LINS1: variants seen among roughly 807,000 people sequenced by gnomAD.
LINS1 encodes protein Lines homolog 1.
In LINS1, 27 loss-of-function variants were observed where a neutral mutation model predicts 41.6. The observed-to-expected ratio is 0.65, with a 90% CI of 0.48 to 0.89. LINS1 has a LOEUF of 0.89. Among genes scored for constraint, LINS1 ranks in the 40% least tolerant of loss-of-function variants. The pLI, the probability that LINS1 is intolerant of heterozygous loss-of-function variation, is 0.00. For synonymous variants in LINS1, 336 were observed against 312.9 expected (o/e 1.07, Z -0.78); for missense variants, 955 against 884.1 (o/e 1.08, Z -1.02).
At chr15:100,575,315 A>C (rs1447587257) in intron 3 of LINS1, among the ~76,000 whole-genome samples, 187 bp from the exon 4 acceptor site, 22 of 152,210 alleles carry the variant, frequency 1.4e-4, no homozygotes, top group Admixed American at 1.4e-3. Flanking sequence ...AATAAAATAA[A>C]GGGATGGAGG....
intron 3 of LINS1, among the ~76,000 whole-genome samples, chr15:100,580,036 C>T (rs577284644): frequency 3.2e-4 from 48 of 152,126 alleles, no homozygotes; most frequent in Non-Finnish European, 6.5e-4. Flanking sequence ...GGGTAAAAAT[C>T]AAATGTCAAA....
chr15:100,567,771 A>G lies in LINS1; in HGVS notation c.*1467T>C, dbSNP rs889052125. Reference sequence around the variant, plus strand: ...ATAGCCTCACCGACAGCATGTTAAAACGCAAACCTTTTGACCTTTGCATTG... The same window carrying G: ...ATAGCCTCACCGACAGCATGTTAAAGCGCAAACCTTTTGACCTTTGCATTG... On this transcript the variant is annotated 3_prime_UTR_variant, in exon 7 of 7. Coordinates refer to ENST00000314742, the MANE Select transcript of LINS1 (RefSeq NM_001040616.3). The G allele has an allele frequency of 6.6e-6, 1 of 152,236 alleles. No homozygotes were observed. The highest frequency in any genetic ancestry group is 1.5e-5 in the Non-Finnish European group (1 of 68,044). The allele number at this position is 152,236 out of a possible 1,614,324, so 9.4% of individuals were successfully genotyped here. A position where few individuals can be genotyped will look rare whatever the true frequency, so the allele number is the denominator to read the frequency against.
intron 1 of LINS1, among the ~76,000 whole-genome samples, chr15:100,584,882 T>C (rs914380563): frequency 3.9e-5 from 6 of 152,136 alleles, no homozygotes; most frequent in African/African-American, 1.4e-4. Context: ...GACTTCCCCT[T>C]TGGGTTTGAT....
chr15:100,597,096 C>G (rs1457110404), intron 1 of LINS1, among the ~76,000 whole-genome samples: 2 of 152,198 alleles, frequency 1.3e-5, no homozygotes, highest in Non-Finnish European at 2.9e-5. Flanking sequence ...CACATCCAGG[C>G]TCCTCTTTTG....
rs573397301 is a variant in LINS1 at position 100,596,680 on chromosome 15, G to GC, written c.-104+5440dup. On this transcript the variant is annotated intron_variant, in intron 1 of 6. Coordinates refer to ENST00000314742, the MANE Select transcript of LINS1 (RefSeq NM_001040616.3). ...AAAAAGCGGCCTGAAAAATCAAGCT[G>GC]CAAGCATAGATACACAAGTAAAAGC... is the stretch of plus-strand genomic sequence containing the variant. Among the ~76,000 whole-genome samples, 250 of 152,274 alleles carry GC rather than the reference G, an allele frequency of 1.6e-3. 2 individuals are homozygous for GC. Among genetic ancestry groups the GC allele is most frequent in the Non-Finnish European group, 1.4e-3 (93 of 68,004 alleles).
rs2131659 is a variant in LINS1 at position 100,568,082 on chromosome 15, G to A, written c.*1156C>T. Reference sequence around the variant, plus strand: ...ACAAACATATTACAATGGAATTTACGGCTTCCCCTCAAGAATATGGAACAT... The same window carrying A: ...ACAAACATATTACAATGGAATTTACAGCTTCCCCTCAAGAATATGGAACAT... On this transcript the variant is annotated 3_prime_UTR_variant, in exon 7 of 7. Coordinates refer to ENST00000314742, the MANE Select transcript of LINS1 (RefSeq NM_001040616.3). The A allele has an allele frequency of 6.6e-6, 1 of 151,686 alleles. No homozygotes were observed. The highest frequency in any genetic ancestry group is 1.9e-4 in the East Asian group (1 of 5,192). The allele number at this position is 151,686 out of a possible 1,614,324, so 9.4% of individuals were successfully genotyped here.
chr15:100,569,477 A>T lies in LINS1; in HGVS notation c.2035T>A (p.Ser679Thr), dbSNP rs779552573. The change falls in exon 7 of 7, where the codon TCA (serine) becomes ACA (threonine). Residue 679 changes from serine to threonine, a missense_variant. Ser to Thr is a moderately conservative substitution (Grantham distance 58). Coordinates refer to ENST00000314742, the MANE Select transcript of LINS1 (RefSeq NM_001040616.3). ...DKKEFSLEPPSRPLVLKEFDT... is the reference protein window; with the variant it reads ...DKKEFSLEPPTRPLVLKEFDT... Reference sequence around the variant, plus strand: ...AATTCTTTCAGAACCAGAGGCCTTGATGGAGGCTCAAGGCTAAATTCTTTT... The same window carrying T: ...AATTCTTTCAGAACCAGAGGCCTTGTTGGAGGCTCAAGGCTAAATTCTTTT... 6 of 1,614,222 alleles carry T rather than the reference A, an allele frequency of 3.7e-6. No homozygotes were observed. The highest frequency in any genetic ancestry group is 1.7e-5 in the Admixed American group (1 of 60,030).
At chr15:100,599,501 G>A (rs1018246178) in intron 1 of LINS1, among the ~76,000 whole-genome samples, 2 of 152,144 alleles carry the variant, frequency 1.3e-5, no homozygotes, top group East Asian at 3.8e-4. Flanking sequence ...AAAGAACTAG[G>A]AATTAGGAGA....
chr15:100,594,992 G>C (rs1446374782), intron 1 of LINS1, among the ~76,000 whole-genome samples: 1 of 152,186 alleles, frequency 6.6e-6, no homozygotes, highest in East Asian at 1.9e-4. Flanking sequence ...TAAAGGCACT[G>C]TGAATAAGGG....
At chr15:100,577,223 G>C (rs1027287991) in intron 3 of LINS1, among the ~76,000 whole-genome samples, 12 of 152,326 alleles carry the variant, frequency 7.9e-5, no homozygotes, top group Non-Finnish European at 1.6e-4. Flanking sequence ...ACTAGGAAAA[G>C]AGGAAGTCAA....
chr15:100,590,068 T>C (rs907850498), intron 1 of LINS1, among the ~76,000 whole-genome samples: 1 of 152,192 alleles, frequency 6.6e-6, no homozygotes, highest in Non-Finnish European at 1.5e-5. Flanking sequence ...CTCTTGGAAC[T>C]GTACACCCAT....
chr15:100,573,492 G>A (rs2037960617), intron 5 of LINS1, 159 bp downstream of exon 5: 2 of 765,380 alleles, frequency 2.6e-6, no homozygotes, highest in Middle Eastern at 3.6e-4. Flanking sequence ...GGTAAATCCA[G>A]TTCTTTTTTT....
At chr15:100,590,328 A>G (rs1465123197) in intron 1 of LINS1, among the ~76,000 whole-genome samples, 1 of 152,248 alleles carries the variant, frequency 6.6e-6, no homozygotes, top group Non-Finnish European at 1.5e-5. Context: ...ATAACCTTAT[A>G]CTTTGACAGA....
intron 1 of LINS1, chr15:100,586,178 G>C (rs2038792631): frequency 6.6e-6 from 1 of 152,024 alleles, no homozygotes; most frequent in Non-Finnish European, 1.5e-5. Flanking sequence ...CTTTAGAAAG[G>C]CTAATCAGAA....
At chr15:100,572,173 C>T in intron 5 of LINS1, 108 bp from the exon 6 acceptor site, 2 of 1,532,796 alleles carry the variant, frequency 1.3e-6, no homozygotes, top group Non-Finnish European at 1.8e-6. Flanking sequence ...TGCAATTATC[C>T]TAATTCACTT....
At chr15:100,596,537 G>GT (rs1726688465) in intron 1 of LINS1, among the ~76,000 whole-genome samples, 1 of 152,178 alleles carries the variant, frequency 6.6e-6, no homozygotes, top group African/African-American at 2.4e-5. Context: ...TGATATACTG[G>GT]TAACAGCCTG....
intron 3 of LINS1, among the ~76,000 whole-genome samples, chr15:100,577,421 C>G (rs892072964): frequency 6.6e-6 from 1 of 152,126 alleles, no homozygotes; most frequent in Admixed American, 6.5e-5. Flanking sequence ...CTCCCATTCA[C>G]AATTGCTTCA....
At position 100,569,118 on chromosome 15, in the gene LINS1, G is replaced by A. The variant is rs2037656954; in HGVS notation, c.*120C>T. 1 of 548,374 alleles carries A rather than the reference G, an allele frequency of 1.8e-6. No homozygotes were observed. The highest frequency in any genetic ancestry group is 2.9e-6 in the Non-Finnish European group (1 of 345,982). 34.0% of individuals were successfully genotyped at this position (548,374 alleles called of 1,614,324 possible). A position where few individuals can be genotyped will look rare whatever the true frequency, so the allele number is the denominator to read the frequency against. On this transcript the variant is annotated 3_prime_UTR_variant, in exon 7 of 7. Coordinates refer to ENST00000314742, the MANE Select transcript of LINS1 (RefSeq NM_001040616.3). ...GGCCTGAGCGACAGAATGAGATTCT[G>A]TCTCAAAAAAAAAAAAAAAAAAGAA...
intron 1 of LINS1, among the ~76,000 whole-genome samples, chr15:100,587,814 T>C (rs1013302164): frequency 3.3e-5 from 5 of 152,226 alleles, no homozygotes; most frequent in East Asian, 3.9e-4. Flanking sequence ...CTTTTGTAAA[T>C]AGAATTTGAG....
Sources: gnomAD v4.1 joint callset for allele counts (sites outside exome capture counted in the v4.1 genomes callset) on GRCh38, gnomAD v4.1.1 for gene constraint, MANE v1.5 for transcripts, NCBI Gene and HGNC (gene_info 2026-07-23, HGNC 2026-07-21) for gene names.